The following SCHIP1 variants were observed in gnomAD, a reference collection of about 807,000 sequenced individuals.
SCHIP1 encodes schwannomin-interacting protein 1.
SCHIP1 carries 8 observed loss-of-function variants against 29.7 expected under a neutral mutation model. The observed-to-expected ratio is 0.27, with a 90% confidence interval of 0.16 to 0.49. The LOEUF (loss-of-function observed/expected upper bound fraction) is 0.49, where lower values mean the gene tolerates loss of function less well. Ranked by LOEUF, SCHIP1 falls within the 20% of genes least tolerant of loss-of-function variation. SCHIP1 has a pLI of 0.99. For missense variants in SCHIP1, 193 were observed against 294.6 expected (o/e 0.66, Z 2.52); for synonymous variants, 76 against 94.9 (o/e 0.80, Z 1.16).
the SCHIP1 span, among the ~76,000 whole-genome samples, chr3:159,432,286 A>ATG: frequency 3.4e-3 from 371 of 108,150 alleles, 1 homozygote; most frequent in African/African-American, 9.5e-3. Flanking sequence ...AGAGTAGGTG[A>ATG]TGTGTGTGTG....
the SCHIP1 span, among the ~76,000 whole-genome samples, chr3:159,388,025 T>C: frequency 0.019 from 2,818 of 152,284 alleles, 39 homozygotes; most frequent in Non-Finnish European, 0.03. Context: ...AATATTAAGG[T>C]AATTTCCGCT....
At chr3:159,642,707 C>G in the SCHIP1 span, among the ~76,000 whole-genome samples, 1 of 152,066 alleles carries the variant, frequency 6.6e-6, no homozygotes, top group African/African-American at 2.4e-5. Context: ...GACACAGGGA[C>G]AGAGCTCCAC....
At chr3:159,356,542 A>G in the SCHIP1 span, among the ~76,000 whole-genome samples, 2 of 152,334 alleles carry the variant, frequency 1.3e-5, no homozygotes, top group South Asian at 4.1e-4. Flanking sequence ...GTTAGCGTCT[A>G]AATTACCCAT....
the SCHIP1 span, among the ~76,000 whole-genome samples, chr3:159,793,732 A>G: frequency 1.3e-5 from 2 of 151,964 alleles, no homozygotes; most frequent in South Asian, 4.2e-4. Context: ...TAATTTTTGT[A>G]TTTTTACTAG....
chr3:159,744,680 A>C, the SCHIP1 span, among the ~76,000 whole-genome samples: 1 of 152,236 alleles, frequency 6.6e-6, no homozygotes, highest in Non-Finnish European at 1.5e-5. Flanking sequence ...GTTGAACATC[A>C]GAAAGTGTTC....
the SCHIP1 span, among the ~76,000 whole-genome samples, chr3:159,828,421 A>ACG: frequency 0.18 from 17,460 of 97,102 alleles, 3,243 homozygotes; most frequent in East Asian, 0.56. Context: ...ATATATACGT[A>ACG]TATATATACG....
At chr3:159,789,330 C>T in the SCHIP1 span, among the ~76,000 whole-genome samples, 47 of 152,276 alleles carry the variant, frequency 3.1e-4, no homozygotes, top group African/African-American at 9.4e-4. Flanking sequence ...TGGATGAGAC[C>T]GGCCCACTTT....
chr3:159,652,261 T>A, the SCHIP1 span, among the ~76,000 whole-genome samples: 3 of 152,202 alleles, frequency 2.0e-5, no homozygotes, highest in Admixed American at 1.3e-4. Context: ...AAAATTATAT[T>A]TTTTATCTTT....
chr3:159,477,350 G>A, the SCHIP1 span, among the ~76,000 whole-genome samples: 1 of 151,954 alleles, frequency 6.6e-6, no homozygotes. Context: ...ATTTTCTGAG[G>A]AACCCCCATA....
the SCHIP1 span, among the ~76,000 whole-genome samples, chr3:159,769,964 A>G: frequency 6.6e-6 from 1 of 152,182 alleles, no homozygotes; most frequent in African/African-American, 2.4e-5. Context: ...TAATACCACC[A>G]TCTTGTCCCT....
At chr3:159,296,005 T>G in the SCHIP1 span, among the ~76,000 whole-genome samples, 2 of 152,146 alleles carry the variant, frequency 1.3e-5, no homozygotes, top group African/African-American at 2.4e-5. Flanking sequence ...TCAGTGTTCA[T>G]TTTTTGCACT....
exon 5 of SCHIP1, chr3:159,888,894 T>A: frequency 6.2e-7 from 1 of 1,614,134 alleles, no homozygotes; most frequent in Non-Finnish European, 8.5e-7. Context: ...GAGACATGAC[T>A]ATTGGGCAGC....
chr3:159,742,935 C>A, the SCHIP1 span, among the ~76,000 whole-genome samples: 16 of 151,076 alleles, frequency 1.1e-4, no homozygotes, highest in Non-Finnish European at 2.4e-4. Context: ...GATCCACACA[C>A]CTCGGCCTCC....
chr3:159,751,549 C>CTTTTT, the SCHIP1 span, among the ~76,000 whole-genome samples: 3 of 145,666 alleles, frequency 2.1e-5, 1 homozygote, highest in Non-Finnish European at 4.5e-5. Context: ...ACAATTATTT[C>CTTTTT]TTTTTTTTTT....
At chr3:159,867,975 TTATATATATATATATAAATCAATGATTTA>T (rs1251086243) in intron 2 of SCHIP1, among the ~76,000 whole-genome samples, 18 of 146,454 alleles carry the variant, frequency 1.2e-4, no homozygotes, top group East Asian at 1.2e-3. Flanking sequence ...AATCAGTGAT[TTATATATATATATATAAATCAATGATTTA>T]TATATATATA....
the SCHIP1 span, among the ~76,000 whole-genome samples, chr3:159,458,503 C>T: frequency 7.2e-5 from 11 of 151,824 alleles, no homozygotes; most frequent in African/African-American, 2.2e-4. Flanking sequence ...GTGGACTCAG[C>T]ATGGGCAATT....
the SCHIP1 span, among the ~76,000 whole-genome samples, chr3:159,820,299 C>G: frequency 6.6e-6 from 1 of 152,144 alleles, no homozygotes; most frequent in Non-Finnish European, 1.5e-5. Context: ...TTACAGCCCA[C>G]CTCCAGCCCC....
chr3:159,388,677 T>A, the SCHIP1 span, among the ~76,000 whole-genome samples: 2 of 152,192 alleles, frequency 1.3e-5, no homozygotes, highest in East Asian at 1.9e-4. Context: ...TTCTGTAAGG[T>A]CACTGTAATT....
At chr3:159,884,026 T>C (rs569494967) in intron 2 of SCHIP1, among the ~76,000 whole-genome samples, 2 of 152,336 alleles carry the variant, frequency 1.3e-5, no homozygotes, top group Non-Finnish European at 2.9e-5. Context: ...GTGTTTTGTA[T>C]TGCGGGTTAT....
Sources: allele counts gnomAD v4.1 joint callset (sites outside exome capture counted in the v4.1 genomes callset), GRCh38; gene constraint gnomAD v4.1.1; transcripts MANE v1.5; gene names NCBI Gene and HGNC (gene_info 2026-07-23, HGNC 2026-07-21).